Variants in PRKCI observed in about 807,000 individuals in gnomAD.
PRKCI encodes protein kinase C iota type.
Under a neutral mutation model 84.0 loss-of-function variants are expected in PRKCI, and 43 were observed. The observed-to-expected ratio is 0.51, with a 90% CI of 0.40 to 0.66. The LOEUF (loss-of-function observed/expected upper bound fraction) is 0.66, where lower values mean the gene tolerates loss of function less well. Ranked by LOEUF, PRKCI falls within the 30% of genes least tolerant of loss-of-function variation. The probability of loss-of-function intolerance (pLI) is 0.00; values close to 1 mark genes in which losing one functional copy is unlikely to be tolerated. For synonymous variants in PRKCI, 216 were observed against 234.4 expected (o/e 0.92, Z 0.72); for missense variants, 459 against 745.6 (o/e 0.62, Z 4.48).
intron 2 of PRKCI, among the ~76,000 whole-genome samples, chr3:170,245,201 A>G (rs1399337674): frequency 1.3e-5 from 2 of 152,150 alleles, no homozygotes; most frequent in East Asian, 1.9e-4. Context: ...GAGTCCCAAC[A>G]TGGGAATGCC....
At chr3:170,234,096 T>C (rs1368642311) in intron 1 of PRKCI, among the ~76,000 whole-genome samples, 2 of 136,024 alleles carry the variant, frequency 1.5e-5, no homozygotes, top group East Asian at 4.5e-4. Flanking sequence ...TGCAATGGTG[T>C]GATTGGTTCA....
At chr3:170,254,240 A>G (rs1733529808) in intron 2 of PRKCI, among the ~76,000 whole-genome samples, 1 of 151,530 alleles carries the variant, frequency 6.6e-6, no homozygotes, top group Non-Finnish European at 1.5e-5. Flanking sequence ...GTGTGCAAAT[A>G]TTTTCTCCCA....
At chr3:170,280,444 A>G in intron 9 of PRKCI, 41 bp downstream of exon 9, 2 of 1,509,550 alleles carry the variant, frequency 1.3e-6, no homozygotes, top group Non-Finnish European at 1.8e-6. Flanking sequence ...CTGCTTGAGA[A>G]TACTATTCTT....
chr3:170,284,435 A>T, intron 11 of PRKCI, 26 bp from the exon 12 acceptor site: 1 of 1,510,978 alleles, frequency 6.6e-7, no homozygotes, highest in Non-Finnish European at 9.0e-7. Flanking sequence ...GTTGAATCAA[A>T]TGACTTATTT....
intron 2 of PRKCI, among the ~76,000 whole-genome samples, chr3:170,242,774 G>A (rs1473669922): frequency 1.3e-5 from 2 of 151,800 alleles, no homozygotes; most frequent in Non-Finnish European, 2.9e-5. Flanking sequence ...GGGTTCAAGC[G>A]ATTGTCCTGC....
At chr3:170,230,449 G>T (rs1201944835) in intron 1 of PRKCI, among the ~76,000 whole-genome samples, 2 of 152,166 alleles carry the variant, frequency 1.3e-5, no homozygotes, top group African/African-American at 2.4e-5. Flanking sequence ...TCCTGCCTCA[G>T]CCTCCCAAGT....
intron 1 of PRKCI, among the ~76,000 whole-genome samples, chr3:170,232,978 T>A (rs1732839465): frequency 6.6e-6 from 1 of 152,160 alleles, no homozygotes; most frequent in Non-Finnish European, 1.5e-5. Flanking sequence ...TCTTCTTCAT[T>A]ATTAAAAGGT....
intron 2 of PRKCI, among the ~76,000 whole-genome samples, chr3:170,249,400 GGAGA>G (rs763028580): frequency 2.2e-4 from 33 of 151,448 alleles, no homozygotes; most frequent in African/African-American, 8.0e-4. Flanking sequence ...GAGAGAGAAA[GGAGA>G]GAGAGAGAGA....
intron 11 of PRKCI, among the ~76,000 whole-genome samples, 190 bp from the exon 12 acceptor site, chr3:170,284,271 G>C (rs899438864): frequency 2.0e-5 from 3 of 152,128 alleles, no homozygotes; most frequent in African/African-American, 7.2e-5. Context: ...GTTTAAGTTA[G>C]ACAGGAACTT....
intron 12 of PRKCI, among the ~76,000 whole-genome samples, chr3:170,288,484 C>T (rs917388929): frequency 1.3e-5 from 2 of 151,982 alleles, no homozygotes; most frequent in African/African-American, 4.8e-5. Context: ...TGCAGTGGCT[C>T]ACGCCTATAA....
intron 8 of PRKCI, among the ~76,000 whole-genome samples, chr3:170,276,638 C>T (rs1374663094): frequency 2.6e-5 from 4 of 151,926 alleles, no homozygotes. Flanking sequence ...AAAATTTACT[C>T]AAGGTGGAAT....
chr3:170,241,665 GAGAGAC>G (rs932106394), intron 2 of PRKCI, among the ~76,000 whole-genome samples: 10 of 151,836 alleles, frequency 6.6e-5, no homozygotes, highest in African/African-American at 2.2e-4. Flanking sequence ...GAGGGAGAGA[GAGAGAC>G]AGAGACAGAG....
chr3:170,287,336 T>G (rs183247291), intron 12 of PRKCI, among the ~76,000 whole-genome samples: 7,166 of 150,578 alleles, frequency 0.048, 535 homozygotes, highest in African/African-American at 0.16. Flanking sequence ...TATATATATA[T>G]ATAGAGAGAG....
chr3:170,227,547 T>G (rs781583257), intron 1 of PRKCI, among the ~76,000 whole-genome samples: 1 of 152,146 alleles, frequency 6.6e-6, no homozygotes, highest in African/African-American at 2.4e-5. Flanking sequence ...GTTTGCCTGG[T>G]GAATAATGAT....
intron 2 of PRKCI, among the ~76,000 whole-genome samples, chr3:170,250,444 C>CAAA (rs201210886): frequency 1.5e-5 from 1 of 68,870 alleles, no homozygotes; most frequent in African/African-American, 5.2e-5. Context: ...CCCCCCCCCC[C>CAAA]AAAAAAAAAT....
chr3:170,281,090 A>C, intron 9 of PRKCI, 76 bp from the exon 10 acceptor site: 2 of 1,233,808 alleles, frequency 1.6e-6, no homozygotes, highest in Non-Finnish European at 2.4e-6. Flanking sequence ...ATTTGTGACC[A>C]TTGAATTGCT....
chr3:170,257,802 C>A (rs577291404), intron 2 of PRKCI, among the ~76,000 whole-genome samples: 24 of 151,786 alleles, frequency 1.6e-4, no homozygotes, highest in African/African-American at 5.1e-4. Context: ...GTAGCTGGGA[C>A]AACAGGCACG....
At chr3:170,262,900 G>A (rs1733766442) in intron 3 of PRKCI, among the ~76,000 whole-genome samples, 1 of 150,276 alleles carries the variant, frequency 6.7e-6, no homozygotes. Context: ...GCCGGGCGCG[G>A]TGACTCACGC....
chr3:170,256,544 C>T (rs956553194), intron 2 of PRKCI, among the ~76,000 whole-genome samples: 1 of 151,958 alleles, frequency 6.6e-6, no homozygotes, highest in Non-Finnish European at 1.5e-5. Flanking sequence ...GATTTGATTT[C>T]TTTGGGTCTT....
Sources: gnomAD v4.1 joint callset for allele counts (sites outside exome capture counted in the v4.1 genomes callset) on GRCh38, gnomAD v4.1.1 for gene constraint, MANE v1.5 for transcripts, NCBI Gene and HGNC (gene_info 2026-07-23, HGNC 2026-07-21) for gene names.